LCORL: variants seen among roughly 807,000 people sequenced by gnomAD.
The protein encoded by LCORL is ligand dependent nuclear receptor corepressor like, also known as ligand-dependent nuclear receptor corepressor-like protein.
In LCORL, 41 loss-of-function variants were observed where a neutral mutation model predicts 141.8. The ratio of observed to expected loss-of-function variants is 0.29; its 90% CI spans 0.23 to 0.38. The LOEUF is 0.38. LCORL is among the 10% of genes least tolerant of loss of function. The pLI is 1.00. For synonymous variants in LCORL, 618 were observed against 694.1 expected (o/e 0.89, Z 1.72); for missense variants, 1,759 against 2,035.0 (o/e 0.86, Z 2.61).
At chr4:17,885,057 G>T (rs1022841781) in intron 6 of LCORL, among the ~76,000 whole-genome samples, 10 of 151,820 alleles carry the variant, frequency 6.6e-5, no homozygotes, top group African/African-American at 2.4e-4. Context: ...TGCTTGCAGA[G>T]CAACACTTAT....
chr4:18,004,944 T>C (rs1722551812), intron 1 of LCORL, among the ~76,000 whole-genome samples: 1 of 151,686 alleles, frequency 6.6e-6, no homozygotes, highest in Admixed American at 6.6e-5. Flanking sequence ...TTTTTTTAGA[T>C]GGAGTTCCAC....
chr4:17,975,599 T>C (rs60639019), intron 1 of LCORL, among the ~76,000 whole-genome samples: 2 of 152,152 alleles, frequency 1.3e-5, no homozygotes, highest in African/African-American at 2.4e-5. Flanking sequence ...TTTCACCATG[T>C]TGGCCAGGCT....
intron 5 of LCORL, among the ~76,000 whole-genome samples, chr4:17,897,246 T>TTTTTTTTTTTTTTTTTTTTTTTTTG (rs1730119350): frequency 7.6e-6 from 1 of 132,068 alleles, no homozygotes; most frequent in Non-Finnish European, 1.6e-5. Flanking sequence ...TTTTTTTTTT[T>TTTTTTTTTTTTTTTTTTTTTTTTTG]TTTTTAGGGT....
intron 1 of LCORL, among the ~76,000 whole-genome samples, chr4:18,010,433 T>C (rs936992025): frequency 5.9e-5 from 9 of 152,104 alleles, no homozygotes; most frequent in Non-Finnish European, 1.2e-4. Context: ...TGTATGTATG[T>C]ATATATGTAT....
intron 1 of LCORL, among the ~76,000 whole-genome samples, chr4:17,982,401 A>G (rs1415484890): frequency 6.6e-6 from 1 of 152,174 alleles, no homozygotes; most frequent in Non-Finnish European, 1.5e-5. Flanking sequence ...TCCCACCAAC[A>G]GTGTGTAAGT....
rs543403155 is a variant in LCORL, at chr4:17,999,596, A to G, written c.154+22002T>C. Among the ~76,000 whole-genome samples the G allele has an allele frequency of 2.0e-5, 3 of 152,356 alleles. No homozygotes were observed. In the South Asian group the frequency reaches 6.2e-4, roughly 32 times the overall value. On this transcript the variant is annotated intron_variant, in intron 1 of 7. Transcript: ENST00000635767. Reference sequence around the variant, plus strand: ...CTTTACGTAGAACATGACTATACAAATAAGTAATTTGCAAGAGCAATCAAT... The same window carrying G: ...CTTTACGTAGAACATGACTATACAAGTAAGTAATTTGCAAGAGCAATCAAT...
chr4:17,992,685 T>C (rs1456693882), intron 1 of LCORL, among the ~76,000 whole-genome samples: 1 of 152,196 alleles, frequency 6.6e-6, no homozygotes, highest in African/African-American at 2.4e-5. Context: ...TTGACCTCCA[T>C]AACAAACAGA....
rs1156894178 is a variant in LCORL at position 17,850,025 on chromosome 4, T to C, written c.5603-4124A>G. Reference sequence around the variant, plus strand: ...TGACAAACCTGAGAAAAACAAGCAATGGGGAAGGGATTCCCTATTTAATAA... The same window carrying C: ...TGACAAACCTGAGAAAAACAAGCAACGGGGAAGGGATTCCCTATTTAATAA... On this transcript the variant is annotated intron_variant, in intron 7 of 7. Coordinates refer to ENST00000635767, the Ensembl canonical transcript of LCORL. Among the ~76,000 whole-genome samples, 5 of 151,200 alleles carry C rather than the reference T, an allele frequency of 3.3e-5. No individual in the cohort carries two copies. The East Asian group carries it at 5.8e-4, about 18-fold the overall frequency.
At chr4:17,922,138 T>C (rs1734395760) in intron 4 of LCORL, among the ~76,000 whole-genome samples, 1 of 152,176 alleles carries the variant, frequency 6.6e-6, no homozygotes, top group Non-Finnish European at 1.5e-5. Flanking sequence ...ATAAACTCCC[T>C]TTCATATATA....
chr4:17,895,400 C>T (rs538879102), intron 5 of LCORL, among the ~76,000 whole-genome samples: 61 of 152,146 alleles, frequency 4.0e-4, no homozygotes, highest in African/African-American at 1.4e-3. Context: ...GTGACAAATA[C>T]ACATATTGTA....
chr4:17,853,049 ATTTTTTTTTTT>A (rs67695626), intron 7 of LCORL, among the ~76,000 whole-genome samples: 1 of 125,202 alleles, frequency 8.0e-6, no homozygotes, highest in African/African-American at 2.9e-5. Context: ...TAAAAGCTTG[ATTTTTTTTTTT>A]TTTTTTTTTT....
intron 5 of LCORL, chr4:17,893,493 G>C: frequency 1.0e-6 from 1 of 985,372 alleles, no homozygotes; most frequent in Non-Finnish European, 1.2e-6. Flanking sequence ...GGTCAGTGGG[G>C]CTGAGCACTG....
intron 6 of LCORL, chr4:17,881,819 A>G (rs1727603927): frequency 2.0e-6 from 2 of 983,866 alleles, no homozygotes; most frequent in Admixed American, 1.2e-4. Flanking sequence ...TTGTTTTGAA[A>G]TATGTACTTT....
intron 5 of LCORL, among the ~76,000 whole-genome samples, 190 bp downstream of exon 5, chr4:17,908,902 TTC>T (rs1442440404): frequency 6.6e-6 from 1 of 152,180 alleles, no homozygotes; most frequent in African/African-American, 2.4e-5. Flanking sequence ...AACTCAGATT[TTC>T]TCTTTTATAA....
intron 2 of LCORL, among the ~76,000 whole-genome samples, chr4:17,967,623 G>T (rs1715163235): frequency 6.6e-6 from 1 of 151,972 alleles, no homozygotes; most frequent in Non-Finnish European, 1.5e-5. Context: ...CATACTCAAA[G>T]TAATTTTTGG....
chr4:17,880,616 C>G (rs1362027222), intron 6 of LCORL: 10 of 982,154 alleles, frequency 1.0e-5, no homozygotes, highest in Non-Finnish European at 1.2e-5. Context: ...CTTTTCTTTT[C>G]TTTTTTTCTT....
intron 4 of LCORL, among the ~76,000 whole-genome samples, chr4:17,957,615 C>G (rs896314071): frequency 1.3e-5 from 2 of 151,834 alleles, no homozygotes; most frequent in African/African-American, 4.8e-5. Flanking sequence ...GATGGACTTG[C>G]AAATAAAAGG....
At chr4:17,898,622 G>A (rs1180005943) in intron 5 of LCORL, among the ~76,000 whole-genome samples, 1 of 148,240 alleles carries the variant, frequency 6.7e-6, no homozygotes, top group Non-Finnish European at 1.5e-5. Context: ...AGAAAACCTG[G>A]AAATTCACTA....
rs1481347279 is a variant in LCORL, at chr4:17,961,896, A to G, written c.430+7T>C. On this transcript the variant is annotated splice_region_variant and intron_variant, in intron 4 of 7. Coordinates refer to ENST00000635767, the Ensembl canonical transcript of LCORL. ...AAATTTTAAATGACAAAGCATACCAATATTACCTTTCTTTCGAAAGAGTGC... is the reference window on the plus strand; with the variant it reads ...AAATTTTAAATGACAAAGCATACCAGTATTACCTTTCTTTCGAAAGAGTGC... 3 of 1,604,322 alleles carry G rather than the reference A, an allele frequency of 1.9e-6. No homozygotes were observed. Among genetic ancestry groups the G allele is most frequent in the Non-Finnish European group, 2.6e-6 (3 of 1,176,036 alleles).
Sources: allele counts gnomAD v4.1 joint callset (sites outside exome capture counted in the v4.1 genomes callset), GRCh38; gene constraint gnomAD v4.1.1; transcripts MANE v1.5; gene names NCBI Gene and HGNC (gene_info 2026-07-23, HGNC 2026-07-21).